UBR7: variants seen among roughly 807,000 people sequenced by gnomAD.
UBR7 encodes the protein putative E3 ubiquitin-protein ligase UBR7.
UBR7 carries 22 observed loss-of-function variants against 57.0 expected under a neutral mutation model. The observed-to-expected ratio is 0.39, with a 90% confidence interval of 0.28 to 0.55. The LOEUF (loss-of-function observed/expected upper bound fraction) is 0.55, where lower values mean the gene tolerates loss of function less well. Among genes scored for constraint, UBR7 ranks in the 20% least tolerant of loss-of-function variants. The probability of loss-of-function intolerance (pLI) is 0.69; values close to 1 mark genes in which losing one functional copy is unlikely to be tolerated. For synonymous variants in UBR7, 167 were observed against 179.8 expected (o/e 0.93, Z 0.57); for missense variants, 395 against 513.2 (o/e 0.77, Z 2.23).
Position 93,228,092 on chromosome 14 carries a change from T to C in UBR7, c.*1057T>C, listed in dbSNP as rs185012670. The stretch of plus-strand genomic sequence containing the variant: ...GCCCTGTTTTGGAAGAGACAGACTG[T>C]GGAAGAGATTACAAACAAGGCCCGA... On this transcript the variant is annotated 3_prime_UTR_variant, in exon 11 of 11. Coordinates refer to ENST00000013070, the MANE Select transcript of UBR7 (RefSeq NM_175748.4). The C allele has an allele frequency of 1.9e-3, 1,290 of 684,096 alleles. 10 individuals carry two copies. The highest frequency in any genetic ancestry group is 2.5e-3 in the South Asian group (166 of 66,538). 42.4% of individuals were successfully genotyped at this position (684,096 alleles called of 1,614,324 possible).
At chr14:93,214,200 T>C (rs1327133963) in intron 4 of UBR7, among the ~76,000 whole-genome samples, 1 of 152,242 alleles carries the variant, frequency 6.6e-6, no homozygotes, top group African/African-American at 2.4e-5. Context: ...GTGCTGGGAT[T>C]ATAGGCGTGA....
chr14:93,216,619 C>CT (rs113180560), intron 6 of UBR7, among the ~76,000 whole-genome samples: 477 of 140,712 alleles, frequency 3.4e-3, no homozygotes, highest in Middle Eastern at 7.5e-3. Context: ...GTTTTTCTGC[C>CT]TTTTTTTTTT....
At position 93,227,370 on chromosome 14, in the gene UBR7, C is replaced by A; in HGVS notation, c.*335C>A. The A allele has an allele frequency of 1.6e-6, 1 of 634,394 alleles. No homozygotes were observed. The allele number at this position is 634,394 out of a possible 1,614,324, so 39.3% of individuals were successfully genotyped here. Reference sequence around the variant, plus strand: ...GTTTAATGATCTGTTATTTCACTCCCAGATGTGTGTGTTTTGCCACAGAGC... The same window carrying A: ...GTTTAATGATCTGTTATTTCACTCCAAGATGTGTGTGTTTTGCCACAGAGC... On this transcript the variant is annotated 3_prime_UTR_variant, in exon 11 of 11. Transcript: ENST00000013070.
chr14:93,214,922 CT>C lies in UBR7; in HGVS notation c.442-6del. 2 of 1,613,252 alleles carry C rather than the reference CT, an allele frequency of 1.2e-6. No homozygotes were observed. The highest frequency in any genetic ancestry group is 2.2e-5 in the East Asian group (1 of 44,870). Reference sequence around the variant, plus strand: ...GTAATCCTTAACAAACTGCTTTTCTCTGTTAGATTCCAGATGAGATGATCCA... The same window carrying C: ...GTAATCCTTAACAAACTGCTTTTCTCGTTAGATTCCAGATGAGATGATCCA... On this transcript the variant is annotated splice_region_variant and splice_polypyrimidine_tract_variant and intron_variant, in intron 4 of 10. Coordinates refer to ENST00000013070, the MANE Select transcript of UBR7 (RefSeq NM_175748.4).
chr14:93,209,800 C>G, intron 1 of UBR7, 24 bp from the exon 2 acceptor site: 1 of 1,612,306 alleles, frequency 6.2e-7, no homozygotes, highest in Non-Finnish European at 8.5e-7. Flanking sequence ...CATTAATTCT[C>G]TTTTCCATTT....
At position 93,228,382 on chromosome 14, in the gene UBR7, T is replaced by C; in HGVS notation, c.*1347T>C. The C allele has an allele frequency of 2.2e-6, 1 of 454,522 alleles. No individual in the cohort carries two copies. The allele number at this position is 454,522 out of a possible 1,614,324, so 28.2% of individuals were successfully genotyped here. The stretch of plus-strand genomic sequence containing the variant: ...CCTGACAGTCGGAGACACACCTTGA[T>C]GTATGTTAATAAAAGCATTTCAGGC... On this transcript the variant is annotated 3_prime_UTR_variant, in exon 11 of 11. Transcript: ENST00000013070.
At chr14:93,208,594 A>G (rs1595263795) in intron 1 of UBR7, among the ~76,000 whole-genome samples, 3 of 152,202 alleles carry the variant, frequency 2.0e-5, no homozygotes, top group East Asian at 3.9e-4. Flanking sequence ...TGCACAAATC[A>G]TGTACACAGC....
chr14:93,227,736 G>T lies in UBR7; in HGVS notation c.*701G>T, dbSNP rs769738703. Reference sequence around the variant, plus strand: ...CTAATACAGTTCAAGTGAAATTTTCGTTCATGATTCTATTGGCACTAGAAT... The same window carrying T: ...CTAATACAGTTCAAGTGAAATTTTCTTTCATGATTCTATTGGCACTAGAAT... On this transcript the variant is annotated 3_prime_UTR_variant, in exon 11 of 11. Coordinates refer to ENST00000013070, the MANE Select transcript of UBR7 (RefSeq NM_175748.4). 1 of 700,810 alleles carries T rather than the reference G, an allele frequency of 1.4e-6. No homozygotes were observed. Among genetic ancestry groups the T allele is most frequent in the South Asian group, 1.5e-5 (1 of 67,510 alleles). The allele number at this position is 700,810 out of a possible 1,614,324, so 43.4% of individuals were successfully genotyped here.
At chr14:93,214,844 T>A in intron 4 of UBR7, 85 bp from the exon 5 acceptor site, 1 of 1,197,192 alleles carries the variant, frequency 8.4e-7, no homozygotes, top group Non-Finnish European at 1.2e-6. Flanking sequence ...GAACAAATAT[T>A]TAGTATCTTA....
At chr14:93,216,243 A>G (rs1263397) in intron 6 of UBR7, among the ~76,000 whole-genome samples, 114,696 of 152,140 alleles carry the variant, frequency 0.75, 44,371 homozygotes, top group African/African-American at 0.93. Flanking sequence ...ACAGTGTTTC[A>G]CCATGTTGCC....
rs1315126101 is a variant in UBR7 at position 93,218,568 on chromosome 14, A to G, written c.643A>G (p.Ile215Val). 6.2e-7 allele frequency: 1 copy of G among 1,614,050 alleles called. No homozygotes were observed. The highest frequency in any genetic ancestry group is 1.3e-5 in the African/African-American group (1 of 74,908). ...STEDDGLVRN[I>V]DGIGDQEVIK... ...TGAGGATGATGGATTGGTGCGGAAC[A>G]TTGATGGAATAGGTGATCAGGAAGT... The change falls in exon 7 of 11, where the codon ATT becomes GTT. Residue 215 changes from isoleucine (I) to valine (V), a missense_variant. Physicochemically the swap from Ile to Val is conservative, Grantham distance 29. Transcript: ENST00000013070.
At chr14:93,226,374 G>A (rs1299638927) in intron 10 of UBR7, among the ~76,000 whole-genome samples, 3 of 152,180 alleles carry the variant, frequency 2.0e-5, no homozygotes. Context: ...CATGCTGGGT[G>A]TCATGGCTCA....
At chr14:93,213,382 A>G (rs772089463) in intron 4 of UBR7, among the ~76,000 whole-genome samples, 3 of 151,026 alleles carry the variant, frequency 2.0e-5, no homozygotes, top group Admixed American at 6.6e-5. Flanking sequence ...ATCTCGGCTC[A>G]CTGCAAGTTC....
chr14:93,220,217 TCTTTC>T, intron 8 of UBR7, 27 bp from the exon 9 acceptor site: 1 of 1,566,050 alleles, frequency 6.4e-7, no homozygotes, highest in South Asian at 1.1e-5. Context: ...GGGAAACTCC[TCTTTC>T]TTTTTTTTTT....
At position 93,207,912 on chromosome 14, in the gene UBR7, A is replaced by T. The variant is rs567484760; in HGVS notation, c.150+471A>T. Reference sequence around the variant, plus strand: ...ATTTGCGGTGAGCTCCTTGACAGCTAGTTCCTCTGCAATTTAGTTGGACAA... The same window carrying T: ...ATTTGCGGTGAGCTCCTTGACAGCTTGTTCCTCTGCAATTTAGTTGGACAA... On this transcript the variant is annotated intron_variant, in intron 1 of 10. Coordinates refer to ENST00000013070, the MANE Select transcript of UBR7 (RefSeq NM_175748.4). Among the ~76,000 whole-genome samples, 13 of 152,274 alleles carry T rather than the reference A, an allele frequency of 8.5e-5. No individual in the cohort carries two copies. The South Asian group carries it at 2.7e-3, about 32-fold the overall frequency.
chr14:93,218,278 G>A (rs976614494), intron 6 of UBR7, among the ~76,000 whole-genome samples: 1 of 151,890 alleles, frequency 6.6e-6, no homozygotes, highest in Admixed American at 6.6e-5. Context: ...AGTCATGGTG[G>A]CACGCACCTG....
Position 93,219,248 on chromosome 14 carries a change from A to C in UBR7, c.847A>C (p.Lys283Gln). 2 of 1,614,226 alleles carry C rather than the reference A, an allele frequency of 1.2e-6. No individual in the cohort carries two copies. The highest frequency in any genetic ancestry group is 2.2e-5 in the South Asian group (2 of 91,092). Residue 283 changes from lysine (K) to glutamine (Q), a missense_variant, in exon 8 of 11, where the codon AAA becomes CAA. Lys to Gln is a moderately conservative substitution (Grantham distance 53). Coordinates refer to ENST00000013070, the MANE Select transcript of UBR7 (RefSeq NM_175748.4). ...FKNESLNAESKSGCKLQELKA... is the reference protein window; with the variant it reads ...FKNESLNAESQSGCKLQELKA... ...GAATGAAAGCCTCAACGCAGAATCA[A>C]AATCTGGCTGCAAACTTCAGGAGCT...
At chr14:93,210,072 A>ATTTATTTATTTATTC in intron 2 of UBR7, 115 bp downstream of exon 2, 1 of 655,984 alleles carries the variant, frequency 1.5e-6, no homozygotes, top group Non-Finnish European at 2.3e-6. Context: ...TAATGAAATT[A>ATTTATTTATTTATTC]ATTAATTAAT....
intron 6 of UBR7, 99 bp downstream of exon 6, chr14:93,215,380 T>G: frequency 9.4e-7 from 1 of 1,061,922 alleles, no homozygotes; most frequent in South Asian, 1.4e-5. Flanking sequence ...CTGGGCTCTG[T>G]GGTTATAAAA....
Sources: allele counts gnomAD v4.1 joint callset (sites outside exome capture counted in the v4.1 genomes callset), GRCh38; gene constraint gnomAD v4.1.1; transcripts MANE v1.5; gene names NCBI Gene and HGNC (gene_info 2026-07-23, HGNC 2026-07-21).